SASS6: variants seen among roughly 807,000 people sequenced by gnomAD.
SASS6 encodes SAS-6 centriolar assembly protein.
SASS6 carries 59 observed loss-of-function variants against 94.9 expected under a neutral mutation model. The observed-to-expected ratio is 0.62, with a 90% confidence interval of 0.50 to 0.77. SASS6 has a LOEUF of 0.77. Among genes scored for constraint, SASS6 ranks in the 30% least tolerant of loss-of-function variants. The pLI is 0.00. For synonymous variants in SASS6, 264 were observed against 270.0 expected (o/e 0.98, Z 0.22); for missense variants, 698 against 734.1 (o/e 0.95, Z 0.57).
At chr1:100,116,355 G>T (rs1199160019) in intron 7 of SASS6, among the ~76,000 whole-genome samples, 1 of 152,112 alleles carries the variant, frequency 6.6e-6, no homozygotes, top group Non-Finnish European at 1.5e-5. Context: ...CTTGAAAAGA[G>T]AATATTCAAG....
At chr1:100,118,325 AAAG>A (rs1315281449) in intron 7 of SASS6, among the ~76,000 whole-genome samples, 4 of 152,296 alleles carry the variant, frequency 2.6e-5, no homozygotes, top group African/African-American at 9.6e-5. Flanking sequence ...CAAAAAAAAA[AAAG>A]AAGAATTAAG....
Position 100,105,804 on chromosome 1 carries a change from T to C in SASS6, c.1508A>G (p.Asn503Ser), listed in dbSNP as rs1652852425. 6.2e-7 allele frequency: 1 copy of C among 1,613,458 alleles called. No individual in the cohort carries two copies. The highest frequency in any genetic ancestry group is 8.5e-7 in the Non-Finnish European group (1 of 1,179,672). ...STTPPAHSSSNTIRSGISPNL... is the reference protein window; with the variant it reads ...STTPPAHSSSSTIRSGISPNL... Reference sequence around the variant, plus strand: ...AGGAGAAATTCCACTTCTGATTGTGTTGCTGCTGGAATGTGCAGGCGGAGT... The same window carrying C: ...AGGAGAAATTCCACTTCTGATTGTGCTGCTGCTGGAATGTGCAGGCGGAGT... Residue 503 changes from asparagine (N) to serine (S), a missense_variant, in exon 13 of 17, where the codon AAC (asparagine) becomes AGC (serine). By Grantham distance (46) the Asn-to-Ser change is conservative. Coordinates refer to ENST00000287482, the MANE Select transcript of SASS6 (RefSeq NM_194292.3).
chr1:100,093,166 A>G (rs1411335025), intron 14 of SASS6, among the ~76,000 whole-genome samples: 1 of 132,722 alleles, frequency 7.5e-6, no homozygotes, highest in Non-Finnish European at 1.6e-5. Context: ...CAGAATACCT[A>G]TTGTTTTCTT....
intron 14 of SASS6, among the ~76,000 whole-genome samples, chr1:100,100,159 G>A (rs751033267): frequency 2.0e-5 from 3 of 152,066 alleles, no homozygotes; most frequent in South Asian, 2.1e-4. Context: ...TCAGCTACTC[G>A]GGAGGCTGAG....
chr1:100,118,155 A>C (rs530011837), intron 7 of SASS6, among the ~76,000 whole-genome samples: 1 of 152,184 alleles, frequency 6.6e-6, no homozygotes, highest in South Asian at 2.1e-4. Context: ...ATCTCTACTA[A>C]AAATACAAAA....
At chr1:100,093,827 A>C (rs1335159908) in intron 14 of SASS6, among the ~76,000 whole-genome samples, 1 of 152,190 alleles carries the variant, frequency 6.6e-6, no homozygotes, top group Non-Finnish European at 1.5e-5. Flanking sequence ...ACAAATACCA[A>C]AATTTGTGAA....
chr1:100,118,792 T>C, intron 7 of SASS6, among the ~76,000 whole-genome samples: 1 of 152,222 alleles, frequency 6.6e-6, no homozygotes, highest in Middle Eastern at 3.4e-3. Flanking sequence ...TATTTATAAA[T>C]TACATATTAT....
Position 100,122,440 on chromosome 1 carries a change from G to A in SASS6, c.251C>T (p.Pro84Leu). ...QGLLVDFLAFPQKFIDLLQQC... is the reference protein window; with the variant it reads ...QGLLVDFLAFLQKFIDLLQQC... ...CTGAAGGAGATCTATAAATTTTTGTGGGAAAGCTAAGAAGTCTACCAGAAG... is the reference window on the plus strand; with the variant it reads ...CTGAAGGAGATCTATAAATTTTTGTAGGAAAGCTAAGAAGTCTACCAGAAG... The change falls in exon 4 of 17, where the codon CCA (proline) becomes CTA (leucine). Residue 84 changes from proline to leucine, a missense_variant. Transcript: ENST00000287482. The A allele has an allele frequency of 6.3e-7, 1 of 1,586,884 alleles. No homozygotes were observed. The highest frequency in any genetic ancestry group is 8.6e-7 in the Non-Finnish European group (1 of 1,156,782).
intron 14 of SASS6, among the ~76,000 whole-genome samples, chr1:100,099,690 C>T (rs1256909765): frequency 2.0e-5 from 3 of 152,122 alleles, no homozygotes; most frequent in Admixed American, 6.5e-5. Context: ...TGTTTCTCCT[C>T]GGTTCAAGGG....
chr1:100,132,142 T>C (rs1655088085), intron 1 of SASS6, among the ~76,000 whole-genome samples: 1 of 152,240 alleles, frequency 6.6e-6, no homozygotes, highest in Non-Finnish European at 1.5e-5. Context: ...GACCACTGTA[T>C]TCCCAGTGCC....
intron 6 of SASS6, among the ~76,000 whole-genome samples, chr1:100,120,011 G>C (rs1654051238): frequency 6.6e-6 from 1 of 152,152 alleles, no homozygotes; most frequent in African/African-American, 2.4e-5. Flanking sequence ...GCCTATCAGA[G>C]GAATTAATTC....
intron 1 of SASS6, among the ~76,000 whole-genome samples, chr1:100,126,777 A>C (rs1654652665): frequency 8.0e-6 from 1 of 125,368 alleles, no homozygotes; most frequent in South Asian, 2.5e-4. Flanking sequence ...GTCTCAAAAA[A>C]TAAAATAAAA....
intron 7 of SASS6, among the ~76,000 whole-genome samples, chr1:100,118,428 G>A (rs922498484): frequency 6.6e-6 from 1 of 152,038 alleles, no homozygotes; most frequent in South Asian, 2.1e-4. Flanking sequence ...AGTCTTTTTG[G>A]GTGGCAAATT....
In SASS6 at chr1:100,084,242, G is replaced by A. The variant is rs1378140442; in HGVS notation, c.*1086C>T. ...AATGTTTCTTCATCTGTGTAATAAA[G>A]TAGTTGAAAATAATTTTAAATTATC... is the stretch of plus-strand genomic sequence containing the variant. On this transcript the variant is annotated 3_prime_UTR_variant, in exon 17 of 17. Coordinates refer to ENST00000287482, the MANE Select transcript of SASS6 (RefSeq NM_194292.3). The A allele has an allele frequency of 1.3e-5, 2 of 151,674 alleles. No homozygotes were observed. The highest frequency in any genetic ancestry group is 4.8e-5 in the African/African-American group (2 of 41,322). The allele number at this position is 151,674 out of a possible 1,614,324, so 9.4% of individuals were successfully genotyped here.
chr1:100,132,154 AGTAAGGT>A (rs1195723495), intron 1 of SASS6, among the ~76,000 whole-genome samples: 1 of 152,198 alleles, frequency 6.6e-6, no homozygotes, highest in African/African-American at 2.4e-5. Context: ...CCCAGTGCCC[AGTAAGGT>A]GTTTTACAAG....
intron 2 of SASS6, among the ~76,000 whole-genome samples, chr1:100,124,736 A>G (rs891992132): frequency 4.1e-4 from 62 of 152,332 alleles, no homozygotes; most frequent in Middle Eastern, 3.4e-3. Flanking sequence ...TTTTGGCACT[A>G]GAAACCAGTT....
Position 100,102,942 on chromosome 1 carries a change from TTAA to T in SASS6, c.1674+10_1674+12del, listed in dbSNP as rs764319531. 7.5e-6 allele frequency: 12 copies of T among 1,598,140 alleles called. No individual in the cohort carries two copies. The highest frequency in any genetic ancestry group is 1.8e-5 in the Admixed American group (1 of 56,860). ...TATTTTTTCCCAGAACAAGTATTAG[TTAA>T]TTTGGCTACCTTTGTTCCTGAACCA... On this transcript the variant is annotated intron_variant, in intron 14 of 16. Transcript: ENST00000287482.
intron 5 of SASS6, among the ~76,000 whole-genome samples, chr1:100,120,772 C>T (rs58595340): frequency 0.033 from 5,026 of 152,144 alleles, 303 homozygotes; most frequent in African/African-American, 0.11. Context: ...GGGCTAGGGC[C>T]GGGCGCGGTG....
chr1:100,114,602 C>G (rs1201127538), intron 7 of SASS6, among the ~76,000 whole-genome samples: 1 of 151,748 alleles, frequency 6.6e-6, no homozygotes, highest in Non-Finnish European at 1.5e-5. Context: ...TCTGTGGTCC[C>G]AGCTACTCCA....
Sources: allele counts gnomAD v4.1 joint callset (sites outside exome capture counted in the v4.1 genomes callset), GRCh38; gene constraint gnomAD v4.1.1; transcripts MANE v1.5; gene names NCBI Gene and HGNC (gene_info 2026-07-23, HGNC 2026-07-21).